Variants in ECT2L observed in about 807,000 individuals in gnomAD.
ECT2L encodes epithelial cell transforming 2 like, also known as epithelial cell-transforming sequence 2 oncogene-like.
In ECT2L, 126 loss-of-function variants were observed where a neutral mutation model predicts 122.8. The ratio of observed to expected loss-of-function variants is 1.03; its 90% CI spans 0.89 to 1.19. The LOEUF is 1.19. Ranked by LOEUF, ECT2L falls within the 50% of genes most tolerant of loss-of-function variation. ECT2L has a pLI of 0.00. For synonymous variants in ECT2L, 385 were observed against 381.8 expected (o/e 1.01, Z -0.10); for missense variants, 1,012 against 1,064.1 (o/e 0.95, Z 0.68).
At chr6:138,825,584 A>AAAAAG (rs539268479) in intron 4 of ECT2L, among the ~76,000 whole-genome samples, 64 of 152,312 alleles carry the variant, frequency 4.2e-4, no homozygotes, top group Admixed American at 1.3e-3. Flanking sequence ...CTCCGTCTAA[A>AAAAAG]AAAAGAAAAG....
chr6:138,802,196 G>A (rs1299423654), intron 1 of ECT2L, among the ~76,000 whole-genome samples: 1 of 152,218 alleles, frequency 6.6e-6, no homozygotes, highest in Non-Finnish European at 1.5e-5. Context: ...CAACAGTTTA[G>A]GAGGAACTGT....
At chr6:138,862,812 G>A in intron 11 of ECT2L, 93 bp downstream of exon 11, 1 of 1,000,244 alleles carries the variant, frequency 1.0e-6, no homozygotes, top group South Asian at 1.4e-5. Flanking sequence ...TACTGGTATG[G>A]CTGATATCCA....
chr6:138,842,063 A>C (rs1777058106), intron 5 of ECT2L, among the ~76,000 whole-genome samples: 1 of 152,226 alleles, frequency 6.6e-6, no homozygotes, highest in Admixed American at 6.5e-5. Flanking sequence ...ATACATTCAC[A>C]TATAACATAT....
At position 138,881,181 on chromosome 6, in the gene ECT2L, G is replaced by T; in HGVS notation, c.1880+10G>T. 6.2e-7 allele frequency: 1 copy of T among 1,610,926 alleles called. No homozygotes were observed. On this transcript the variant is annotated intron_variant, in intron 15 of 21. Transcript: ENST00000541398. Reference sequence around the variant, plus strand: ...TTTTAAGTCTCAACAGGTAAACCCTGAATATGTATTTTTTTTAATATTCAT... The same window carrying T: ...TTTTAAGTCTCAACAGGTAAACCCTTAATATGTATTTTTTTTAATATTCAT...
intron 1 of ECT2L, among the ~76,000 whole-genome samples, chr6:138,802,615 G>GT (rs1163457404): frequency 6.6e-6 from 1 of 152,082 alleles, no homozygotes; most frequent in Non-Finnish European, 1.5e-5. Context: ...CACAGATCCT[G>GT]TTTTCTGGGG....
At position 138,886,307 on chromosome 6, in the gene ECT2L, G is replaced by A. The variant is rs1259067237; in HGVS notation, c.2259+477G>A. The stretch of plus-strand genomic sequence containing the variant: ...GTGCATACTGTAAACAGGCATCTGG[G>A]CTGAATGTAAACTGCTAACACATTT... On this transcript the variant is annotated intron_variant, in intron 18 of 21. Coordinates refer to ENST00000541398, the MANE Select transcript of ECT2L (RefSeq NM_001077706.3). 2.0e-5 allele frequency among the ~76,000 whole-genome samples: 3 copies of A among 152,132 alleles called. No homozygotes were observed. The East Asian group carries it at 5.8e-4, about 29-fold the overall frequency.
Position 138,838,504 on chromosome 6 carries a change from T to C in ECT2L, c.332T>C (p.Leu111Ser), listed in dbSNP as rs1436481679. ...CAAGTCAGCTGGCCCTGGAAGTTTTTAACTGAACAGGTTTACTATTTGCCA... is the reference window on the plus strand; with the variant it reads ...CAAGTCAGCTGGCCCTGGAAGTTTTCAACTGAACAGGTTTACTATTTGCCA... ...AAQVSWPWKF[L>S]TEQDCLWMPK... The change falls in exon 5 of 22, where the codon TTA becomes TCA. Residue 111 changes from leucine (L) to serine (S), a missense_variant. By Grantham distance (145) the Leu-to-Ser change is moderately radical (BLOSUM62 -2). Transcript: ENST00000541398. The C allele has an allele frequency of 6.2e-7, 1 of 1,611,698 alleles. No individual in the cohort carries two copies. Among genetic ancestry groups the C allele is most frequent in the East Asian group, 2.2e-5 (1 of 44,854 alleles).
chr6:138,858,252 C>A (rs921511878), intron 10 of ECT2L, among the ~76,000 whole-genome samples: 13 of 152,236 alleles, frequency 8.5e-5, no homozygotes, highest in African/African-American at 3.1e-4. Context: ...CACTTGGAAT[C>A]TTCATACTGG....
chr6:138,902,693 G>A lies in ECT2L; in HGVS notation c.*66G>A. ...CAAAGACAGACAACATGTATTTTCT[G>A]TTCCAAAATATCCAGTAAGAAACAG... On this transcript the variant is annotated 3_prime_UTR_variant, in exon 22 of 22. Coordinates refer to ENST00000541398, the MANE Select transcript of ECT2L (RefSeq NM_001077706.3). 6.3e-7 allele frequency: 1 copy of A among 1,575,068 alleles called. No individual in the cohort carries two copies. Among genetic ancestry groups the A allele is most frequent in the Non-Finnish European group, 8.7e-7 (1 of 1,152,080 alleles).
intron 13 of ECT2L, among the ~76,000 whole-genome samples, chr6:138,874,280 C>T (rs561374364): frequency 1.3e-5 from 2 of 152,022 alleles, no homozygotes; most frequent in Admixed American, 6.6e-5. Flanking sequence ...CAAAGACCCA[C>T]CAACCCAGAA....
chr6:138,844,324 A>G (rs1209332170), intron 6 of ECT2L, 88 bp from the exon 7 acceptor site: 1 of 1,460,506 alleles, frequency 6.8e-7, no homozygotes, highest in Non-Finnish European at 9.3e-7. Flanking sequence ...GCCCTGGTAC[A>G]GCTTTATTTT....
At chr6:138,861,606 C>A (rs920515290) in intron 10 of ECT2L, among the ~76,000 whole-genome samples, 3 of 151,952 alleles carry the variant, frequency 2.0e-5, no homozygotes, top group Non-Finnish European at 4.4e-5. Flanking sequence ...GTTTAAGTTC[C>A]TTGTAGATTC....
At position 138,902,755 on chromosome 6, in the gene ECT2L, C is replaced by A. The variant is rs796950648; in HGVS notation, c.*128C>A. The stretch of plus-strand genomic sequence containing the variant: ...TGGATGATGAGATAAACTAAGATGA[C>A]CCATAGGATCTTTCCAACTTTTAAA... On this transcript the variant is annotated 3_prime_UTR_variant, in exon 22 of 22. Transcript: ENST00000541398. The A allele has an allele frequency of 5.3e-6, 6 of 1,126,940 alleles. No individual in the cohort carries two copies. In the African/African-American group the frequency reaches 6.2e-5, roughly 12 times the overall value. The allele number at this position is 1,126,940 out of a possible 1,614,324, so 69.8% of individuals were successfully genotyped here.
rs374035241 is a variant in ECT2L, at chr6:138,842,632, C to T, written c.343-347C>T. Among the ~76,000 whole-genome samples the T allele has an allele frequency of 1.4e-3, 211 of 151,874 alleles. 2 individuals are homozygous for T. In the Middle Eastern group the frequency reaches 0.072, roughly 52 times the overall value. On this transcript the variant is annotated intron_variant, in intron 5 of 21. Coordinates refer to ENST00000541398, the MANE Select transcript of ECT2L (RefSeq NM_001077706.3). ...TAAAAAAACAAAAAAATTAGCCAGGCGTGGTGGCGGGTGCCTGTAGTCCCA... is the reference window on the plus strand; with the variant it reads ...TAAAAAAACAAAAAAATTAGCCAGGTGTGGTGGCGGGTGCCTGTAGTCCCA...
At chr6:138,842,501 G>A (rs1461679155) in intron 5 of ECT2L, among the ~76,000 whole-genome samples, 1 of 151,108 alleles carries the variant, frequency 6.6e-6, no homozygotes, top group Non-Finnish European at 1.5e-5. Flanking sequence ...TCCGGGTGCG[G>A]TGGTTCACAC....
intron 4 of ECT2L, among the ~76,000 whole-genome samples, chr6:138,827,059 C>T (rs1776475958): frequency 6.6e-6 from 1 of 152,094 alleles, no homozygotes; most frequent in Non-Finnish European, 1.5e-5. Context: ...TATAAACTAC[C>T]AAGTCTCAGC....
rs376608071 is a variant in ECT2L at position 138,876,484 on chromosome 6, G to T, written c.1591G>T (p.Val531Leu). ...ATTCAATCTTCAGGAAAGAAATGTT[G>T]TAGAAGACAATTCTTGGGACACAAA... ...LSKEDSERNV[V>L]EDNSWDTKSR... is the part of the protein sequence containing the mutation. Residue 531 changes from valine to leucine, a missense_variant, in exon 14 of 22, where the codon GTA (valine) becomes TTA (leucine). Physicochemically the swap from Val to Leu is conservative, Grantham distance 32 (BLOSUM62 1). Transcript: ENST00000541398. 6.2e-7 allele frequency: 1 copy of T among 1,610,860 alleles called. No homozygotes were observed. The highest frequency in any genetic ancestry group is 8.5e-7 in the Non-Finnish European group (1 of 1,177,870).
chr6:138,833,867 C>G lies in ECT2L; in HGVS notation c.180-4485C>G, dbSNP rs1418829467. On this transcript the variant is annotated intron_variant, in intron 4 of 21. Transcript: ENST00000541398. The stretch of plus-strand genomic sequence containing the variant: ...GACTGAAACTGGGGTATGAACAGCA[C>G]CCAGACCCTGACCAAGCCATAAAAG... Among the ~76,000 whole-genome samples, 4 of 151,896 alleles carry G rather than the reference C, an allele frequency of 2.6e-5. No individual in the cohort carries two copies. In the South Asian group the frequency reaches 8.3e-4, roughly 32 times the overall value.
chr6:138,894,516 T>C (rs1779147009), intron 20 of ECT2L, among the ~76,000 whole-genome samples: 1 of 152,196 alleles, frequency 6.6e-6, no homozygotes, highest in Non-Finnish European at 1.5e-5. Context: ...TATATTTAAA[T>C]AGGCACTACT....
Sources: allele counts gnomAD v4.1 joint callset (sites outside exome capture counted in the v4.1 genomes callset), GRCh38; gene constraint gnomAD v4.1.1; transcripts MANE v1.5; gene names NCBI Gene and HGNC (gene_info 2026-07-23, HGNC 2026-07-21).